CDC27: variants seen among roughly 807,000 people sequenced by gnomAD.
CDC27 encodes cell division cycle protein 27 homolog.
Under a neutral mutation model 109.7 loss-of-function variants are expected in CDC27, and 27 were observed. The observed-to-expected ratio is 0.25, with a 90% confidence interval of 0.18 to 0.34. CDC27 has a LOEUF of 0.34. CDC27 is among the 10% of genes least tolerant of loss of function. The probability of loss-of-function intolerance (pLI) is 1.00; values close to 1 mark genes in which losing one functional copy is unlikely to be tolerated. For synonymous variants in CDC27, 266 were observed against 333.9 expected (o/e 0.80, Z 2.22); for missense variants, 579 against 960.2 (o/e 0.60, Z 5.25).
intron 16 of CDC27, among the ~76,000 whole-genome samples, chr17:47,124,563 C>T (rs996268447): frequency 6.6e-6 from 1 of 152,052 alleles, no homozygotes; most frequent in Non-Finnish European, 1.5e-5. Flanking sequence ...GGATTACAGG[C>T]GTGAGCCACC....
Position 47,157,051 on chromosome 17 carries a change from A to G in CDC27, c.704T>C (p.Ile235Thr), listed in dbSNP as rs193061947. 1 of 1,592,196 alleles carries G rather than the reference A, an allele frequency of 6.3e-7. No homozygotes were observed. The highest frequency in any genetic ancestry group is 1.1e-5 in the South Asian group (1 of 89,762). ...ATCAGGTGAAATTACAGCTGAATCA[A>G]TATAAGACACTGAGGAATCTGTATT... ...SLNTDSSVSY[I>T]DSAVISPDTV... Residue 235 changes from isoleucine to threonine, a missense_variant, in exon 7 of 19, where the codon ATT becomes ACT. By Grantham distance (89) the Ile-to-Thr change is moderately conservative. This residue lies in a region of CDC27 where 74 missense variants were observed against 148.9 expected (regional missense o/e 0.50). Coordinates refer to ENST00000066544, the MANE Select transcript of CDC27 (RefSeq NM_001256.6).
chr17:47,118,011 T>G lies in CDC27; in HGVS notation c.*2924A>C, dbSNP rs2061912367. On this transcript the variant is annotated 3_prime_UTR_variant, in exon 19 of 19. Coordinates refer to ENST00000066544, the MANE Select transcript of CDC27 (RefSeq NM_001256.6). ...CAGAAAAGACTTTCCCCCTCAACAC[T>G]GTACAATTTCTGAAATAAGTCAGTT... The G allele has an allele frequency of 6.6e-6, 1 of 152,194 alleles. No individual in the cohort carries two copies. Among genetic ancestry groups the G allele is most frequent in the African/African-American group, 2.4e-5 (1 of 41,448 alleles). The allele number at this position is 152,194 out of a possible 1,614,324, so 9.4% of individuals were successfully genotyped here.
intron 4 of CDC27, among the ~76,000 whole-genome samples, chr17:47,164,219 G>C (rs1044845246): frequency 3.3e-5 from 5 of 152,072 alleles, no homozygotes; most frequent in Non-Finnish European, 7.4e-5. Flanking sequence ...ATATAGCCTA[G>C]GTGTGTAGTA....
At chr17:47,133,028 T>TATATATATATACACACAC (rs1555783886) in intron 14 of CDC27, among the ~76,000 whole-genome samples, 2 of 29,822 alleles carry the variant, frequency 6.7e-5, no homozygotes, top group South Asian at 1.1e-3. Context: ...TATATATATA[T>TATATATATATACACACAC]ACACACACAC....
At chr17:47,147,432 A>AC (rs151273354) in intron 9 of CDC27, among the ~76,000 whole-genome samples, 1 of 81,934 alleles carries the variant, frequency 1.2e-5, no homozygotes, top group African/African-American at 3.6e-5. Context: ...AACAAACAAA[A>AC]AAAAAAACAC....
intron 12 of CDC27, chr17:47,139,752 T>C (rs961874453): frequency 7.9e-5 from 12 of 152,194 alleles, no homozygotes; most frequent in African/African-American, 2.9e-4. Context: ...TTGTGTCTGC[T>C]AGGAATCATA....
chr17:47,138,282 T>C (rs1486512726), intron 13 of CDC27, among the ~76,000 whole-genome samples: 1 of 152,230 alleles, frequency 6.6e-6, no homozygotes, highest in African/African-American at 2.4e-5. Flanking sequence ...GGGAGTTGAC[T>C]GTGTTTAATT....
chr17:47,127,681 G>A (rs1333947013), intron 16 of CDC27, among the ~76,000 whole-genome samples: 4 of 151,798 alleles, frequency 2.6e-5, no homozygotes, highest in Admixed American at 1.3e-4. Flanking sequence ...GATTACATAC[G>A]TGAGCCACTG....
rs951151456 is a variant in CDC27, at chr17:47,171,767, C to T, written c.251+150G>A. On this transcript the variant is annotated intron_variant, in intron 3 of 18. Transcript: ENST00000066544. ...TGAAATCTCCATAATATAAATAATG[C>T]CATAGGCAACAGTGTAAACATTTCG... is the stretch of plus-strand genomic sequence containing the variant. 16 of 563,636 alleles carry T rather than the reference C, an allele frequency of 2.8e-5. No individual in the cohort carries two copies. In the African/African-American group the frequency reaches 3.2e-4, roughly 11 times the overall value. The allele number at this position is 563,636 out of a possible 1,614,324, so 34.9% of individuals were successfully genotyped here. A position where few individuals can be genotyped will look rare whatever the true frequency, so the allele number is the denominator to read the frequency against.
chr17:47,168,027 G>A (rs541177016), intron 4 of CDC27, among the ~76,000 whole-genome samples: 2 of 152,284 alleles, frequency 1.3e-5, no homozygotes, highest in African/African-American at 2.4e-5. Context: ...AGAGAGGTGC[G>A]GAGCTTCCAT....
chr17:47,187,965 T>C, intron 1 of CDC27, among the ~76,000 whole-genome samples: 1 of 152,140 alleles, frequency 6.6e-6, no homozygotes, highest in East Asian at 1.9e-4. Flanking sequence ...AATCTTACGT[T>C]TTATTAATTC....
At chr17:47,161,707 GC>G (rs2063502485) in intron 4 of CDC27, 4 of 152,252 alleles carry the variant, frequency 2.6e-5, no homozygotes, top group Non-Finnish European at 5.9e-5. Context: ...TCGAGATCAT[GC>G]CATTGCACTC....
At chr17:47,162,516 A>G (rs969742501) in intron 4 of CDC27, among the ~76,000 whole-genome samples, 4 of 152,212 alleles carry the variant, frequency 2.6e-5, no homozygotes, top group African/African-American at 9.7e-5. Flanking sequence ...TTGCTTTGCC[A>G]GCAGAATGTG....
At chr17:47,167,655 C>T (rs1213015402) in intron 4 of CDC27, among the ~76,000 whole-genome samples, 1 of 152,184 alleles carries the variant, frequency 6.6e-6, no homozygotes, top group East Asian at 1.9e-4. Context: ...TTCCTATTCT[C>T]TCTTAACAGT....
At chr17:47,154,819 G>T in intron 7 of CDC27, 33 bp from the exon 8 acceptor site, 1 of 1,028,962 alleles carries the variant, frequency 9.7e-7, no homozygotes, top group Non-Finnish European at 1.5e-6. Context: ...GTGTCAAAAA[G>T]TCATCAAGGC....
At chr17:47,165,999 A>T (rs576299188) in intron 4 of CDC27, among the ~76,000 whole-genome samples, 210 of 152,326 alleles carry the variant, frequency 1.4e-3, no homozygotes, top group Non-Finnish European at 2.1e-3. Context: ...TGTTCCCACA[A>T]GTGGAATTAC....
In CDC27 at chr17:47,157,081, G is replaced by A; in HGVS notation, c.674C>T (p.Ser225Phe). The change falls in exon 7 of 19, where the codon TCC becomes TTC. Residue 225 changes from serine (S) to phenylalanine (F), a missense_variant. Coordinates refer to ENST00000066544, the MANE Select transcript of CDC27 (RefSeq NM_001256.6). Reference sequence around the variant, plus strand: ...AGACACTGAGGAATCTGTATTCAAGGAGTACTTTGAATTGGAAGATTCTAA... The same window carrying A: ...AGACACTGAGGAATCTGTATTCAAGAAGTACTTTGAATTGGAAGATTCTAA... ...LNLESSNSKY[S>F]LNTDSSVSYI... 1 of 1,593,062 alleles carries A rather than the reference G, an allele frequency of 6.3e-7. No homozygotes were observed. The highest frequency in any genetic ancestry group is 8.6e-7 in the Non-Finnish European group (1 of 1,169,324).
chr17:47,135,881 G>A (rs2062569515), intron 14 of CDC27, among the ~76,000 whole-genome samples: 1 of 152,090 alleles, frequency 6.6e-6, no homozygotes, highest in African/African-American at 2.4e-5. Flanking sequence ...GGTGGCTCAT[G>A]CCTGTAATCC....
chr17:47,123,303 C>T (rs2062030202), intron 17 of CDC27, among the ~76,000 whole-genome samples: 1 of 152,060 alleles, frequency 6.6e-6, no homozygotes, highest in African/African-American at 2.4e-5. Context: ...GAGGTCTAGT[C>T]TGTAAAAAAC....
Sources: gnomAD v4.1 joint callset for allele counts (sites outside exome capture counted in the v4.1 genomes callset) on GRCh38, gnomAD v4.1.1 for gene constraint, gnomAD v4.1.1 regional missense constraint, MANE v1.5 for transcripts, NCBI Gene and HGNC (gene_info 2026-07-23, HGNC 2026-07-21) for gene names.